Variants in TRIM67 observed in about 807,000 individuals in gnomAD.
TRIM67 encodes the protein tripartite motif-containing protein 67.
TRIM67 carries 39 observed loss-of-function variants against 71.0 expected under a neutral mutation model. That is an observed-to-expected ratio of 0.55 (90% CI 0.43 to 0.72). TRIM67 has a LOEUF of 0.72. TRIM67 is among the 30% of genes least tolerant of loss of function. The pLI, the probability that TRIM67 is intolerant of heterozygous loss-of-function variation, is 0.00. For synonymous variants in TRIM67, 481 were observed against 473.9 expected (o/e 1.01, Z -0.19); for missense variants, 973 against 1,079.2 (o/e 0.90, Z 1.38).
intron 8 of TRIM67, among the ~76,000 whole-genome samples, chr1:231,211,536 G>T (rs1683870387): frequency 6.6e-6 from 1 of 152,140 alleles, no homozygotes; most frequent in African/African-American, 2.4e-5. Flanking sequence ...TCAACAGTGC[G>T]GTTTTAGTTT....
At chr1:231,168,410 C>T (rs1052511615) in intron 1 of TRIM67, among the ~76,000 whole-genome samples, 2 of 152,176 alleles carry the variant, frequency 1.3e-5, no homozygotes, top group South Asian at 2.1e-4. Context: ...TAAGTCTATG[C>T]CTACACTTTT....
At chr1:231,198,500 C>T (rs1683430256) in intron 2 of TRIM67, among the ~76,000 whole-genome samples, 1 of 152,190 alleles carries the variant, frequency 6.6e-6, no homozygotes. Flanking sequence ...AATTCTCCTG[C>T]CTCAGCCCCC....
intron 1 of TRIM67, among the ~76,000 whole-genome samples, chr1:231,171,496 C>A (rs1682616858): frequency 6.6e-6 from 1 of 152,080 alleles, no homozygotes; most frequent in African/African-American, 2.4e-5. Context: ...ACTCTTTAGC[C>A]ATTTTCGGTG....
intron 8 of TRIM67, among the ~76,000 whole-genome samples, chr1:231,210,370 A>G (rs932256371): frequency 6.6e-6 from 1 of 151,974 alleles, no homozygotes; most frequent in Non-Finnish European, 1.5e-5. Flanking sequence ...TTCTCAGGGA[A>G]GCCACGTCTA....
Position 231,162,774 on chromosome 1 carries a change from CG to C in TRIM67, c.-195del. On this transcript the variant is annotated 5_prime_UTR_variant, in exon 1 of 10. Transcript: ENST00000366653. ...GAGGTGAGGACCCCCTCCCTTCTCT[CG>C]CCCCTCAATCATCTTAGGGCGGTGG... 1.5e-6 allele frequency: 1 copy of C among 662,004 alleles called. No individual in the cohort carries two copies. Among genetic ancestry groups the C allele is most frequent in the Non-Finnish European group, 2.4e-6 (1 of 411,818 alleles). 41.0% of individuals were successfully genotyped at this position (662,004 alleles called of 1,614,324 possible).
intron 7 of TRIM67, among the ~76,000 whole-genome samples, chr1:231,207,348 G>A (rs776751162): frequency 6.6e-6 from 1 of 152,168 alleles, no homozygotes; most frequent in South Asian, 2.1e-4. Context: ...CAGCATCAGA[G>A]CTCACATCCA....
intron 1 of TRIM67, among the ~76,000 whole-genome samples, chr1:231,174,967 A>G (rs1256866208): frequency 6.6e-6 from 1 of 152,208 alleles, no homozygotes; most frequent in Non-Finnish European, 1.5e-5. Flanking sequence ...GCAGTGCTGC[A>G]GTCACTGCTA....
At chr1:231,199,796 G>A (rs1306754197) in intron 3 of TRIM67, among the ~76,000 whole-genome samples, 1 of 152,242 alleles carries the variant, frequency 6.6e-6, no homozygotes, top group East Asian at 1.9e-4. Flanking sequence ...AGGGGGCTAG[G>A]ACCATTGCAT....
rs927263847 is a variant in TRIM67 at position 231,209,537 on chromosome 1, G to A, written c.2123+287G>A. Among the ~76,000 whole-genome samples, 6 of 152,190 alleles carry A rather than the reference G, an allele frequency of 3.9e-5. No homozygotes were observed. The highest frequency in any genetic ancestry group is 2.1e-4 in the South Asian group (1 of 4,836). Reference sequence around the variant, plus strand: ...GGTCCTCTGCTGGGATATGGAGCTCGTAGTTTTCTTTCTGGTACGGCTTCA... The same window carrying A: ...GGTCCTCTGCTGGGATATGGAGCTCATAGTTTTCTTTCTGGTACGGCTTCA... On this transcript the variant is annotated intron_variant, in intron 8 of 9. Coordinates refer to ENST00000366653, the MANE Select transcript of TRIM67 (RefSeq NM_001004342.5). The surrounding 1 kb of genome is among the most constrained non-coding windows in gnomAD (Gnocchi z 4.1).
rs897125025 is a variant in TRIM67 at position 231,218,157 on chromosome 1, A to G, written c.*2717A>G. 179 of 1,038,932 alleles carry G rather than the reference A, an allele frequency of 1.7e-4. No homozygotes were observed. Among genetic ancestry groups the G allele is most frequent in the Non-Finnish European group, 2.0e-4 (168 of 860,288 alleles). The allele number at this position is 1,038,932 out of a possible 1,614,324, so 64.4% of individuals were successfully genotyped here. ...CAGAAAAGTGAAGAAGGAACTTATC[A>G]ATTCCTCATGGCCAGGAAGGTCCCG... On this transcript the variant is annotated 3_prime_UTR_variant, in exon 10 of 10. Coordinates refer to ENST00000366653, the MANE Select transcript of TRIM67 (RefSeq NM_001004342.5).
chr1:231,166,481 C>A (rs543660478), intron 1 of TRIM67, among the ~76,000 whole-genome samples: 12 of 152,292 alleles, frequency 7.9e-5, no homozygotes, highest in Non-Finnish European at 1.6e-4. Flanking sequence ...CAAACTAGAA[C>A]CCTCCATTAA....
At chr1:231,167,319 C>CCT (rs1682496873) in intron 1 of TRIM67, among the ~76,000 whole-genome samples, 1 of 51,832 alleles carries the variant, frequency 1.9e-5, no homozygotes, top group South Asian at 4.6e-4. Flanking sequence ...ACTCTAATGT[C>CCT]TTTTTTTTTT....
Position 231,163,762 on chromosome 1 carries a change from TCCGGGCCCACTGGCACCGCCCAGGGC to T in TRIM67, c.794_819del (p.Ser265CysfsTer34). 14 of 1,493,798 alleles carry T rather than the reference TCCGGGCCCACTGGCACCGCCCAGGGC, an allele frequency of 9.4e-6. No homozygotes were observed. Among genetic ancestry groups the T allele is most frequent in the Non-Finnish European group, 1.2e-5 (14 of 1,121,588 alleles). 92.5% of individuals were successfully genotyped at this position (1,493,798 alleles called of 1,614,324 possible). On this transcript the variant is annotated frameshift_variant, in exon 1 of 10. Transcript: ENST00000366653. LOFTEE classifies it high-confidence loss of function. ...GCCGCCGCCGCCCGCCGAGGCAGCC[TCCGGGCCCACTGGCACCGCCCAGGGC>T]GCCCCCAGCGGAGGCGGCGGCTGCA...
intron 3 of TRIM67, 56 bp downstream of exon 3, chr1:231,199,225 G>A (rs573980195): frequency 1.3e-5 from 20 of 1,560,834 alleles, no homozygotes; most frequent in East Asian, 4.5e-5. Flanking sequence ...TGCACCCAGC[G>A]TGGGGTGGAG....
chr1:231,205,688 T>C (rs1683675011), intron 6 of TRIM67, among the ~76,000 whole-genome samples: 1 of 146,592 alleles, frequency 6.8e-6, no homozygotes, highest in Non-Finnish European at 1.5e-5. Context: ...ATTACACCAC[T>C]GCACTCCAGC....
rs942244169 is a variant in TRIM67 at position 231,218,285 on chromosome 1, G to T, written c.*2845G>T. The T allele has an allele frequency of 2.0e-6, 2 of 987,172 alleles. No homozygotes were observed. The highest frequency in any genetic ancestry group is 2.2e-4 in the East Asian group (2 of 8,902). The allele number at this position is 987,172 out of a possible 1,614,324, so 61.2% of individuals were successfully genotyped here. A position where few individuals can be genotyped will look rare whatever the true frequency, so the allele number is the denominator to read the frequency against. On this transcript the variant is annotated 3_prime_UTR_variant, in exon 10 of 10. Coordinates refer to ENST00000366653, the MANE Select transcript of TRIM67 (RefSeq NM_001004342.5). ...GGCACATTTGTACATACATATAAAT[G>T]ATATCAAGATGAGGCTTTTGTTGGG...
chr1:231,179,201 G>A (rs913517287), intron 1 of TRIM67, among the ~76,000 whole-genome samples: 1 of 152,222 alleles, frequency 6.6e-6, no homozygotes, highest in African/African-American at 2.4e-5. Flanking sequence ...CCTGCCCCAG[G>A]GCCCTGTCCC....
intron 5 of TRIM67, among the ~76,000 whole-genome samples, chr1:231,201,783 C>T (rs141440556): frequency 2.0e-5 from 3 of 152,368 alleles, no homozygotes; most frequent in African/African-American, 7.2e-5. Context: ...ATTATTTGTT[C>T]ATTCAGAAGT....
chr1:231,203,777 G>A (rs1191040524), intron 5 of TRIM67, 90 bp from the exon 6 acceptor site: 1 of 1,485,900 alleles, frequency 6.7e-7, no homozygotes, highest in East Asian at 2.4e-5. Flanking sequence ...TCCTCTGGAG[G>A]CCAGGACCCC....
Sources: gnomAD v4.1 joint callset for allele counts (sites outside exome capture counted in the v4.1 genomes callset) on GRCh38, gnomAD v4.1.1 for gene constraint, Gnocchi (gnomAD v3.1) non-coding constraint, MANE v1.5 for transcripts, NCBI Gene and HGNC (gene_info 2026-07-23, HGNC 2026-07-21) for gene names.